The following CENPI variants were observed in gnomAD, a reference collection of about 807,000 sequenced individuals.
CENPI encodes the protein FSH primary response 1.
Under a neutral mutation model 60.4 loss-of-function variants are expected in CENPI, and 4 were observed. The ratio of observed to expected loss-of-function variants is 0.07; its 90% CI spans 0.03 to 0.15. CENPI has a LOEUF of 0.15. CENPI is among the 10% of genes least tolerant of loss of function. The pLI is 1.00. For missense variants in CENPI, 444 were observed against 534.5 expected (o/e 0.83, Z 1.67); for synonymous variants, 157 against 189.4 (o/e 0.83, Z 1.40).
In CENPI at chrX:101,098,310, G is replaced by C. The variant is rs1037031464; in HGVS notation, c.-110+62G>C. 9 of 112,225 alleles carry C rather than the reference G, an allele frequency of 8.0e-5. No homozygotes were observed. In the Admixed American group the frequency reaches 8.5e-4, roughly 11 times the overall value. The allele number at this position is 112,225 out of a possible 1,213,427, so 9.2% of individuals were successfully genotyped here. ...GCGAAGAGAATTTTTTTACTTTTGA[G>C]GGTGGGACTATCCTGCAAGGTGTGA... On this transcript the variant is annotated intron_variant, in intron 1 of 21. Transcript: ENST00000682095.
rs751825949 is a variant in CENPI, at chrX:101,101,217, T to C, written c.147T>C (p.Asn49=). ...SKNISKHGQN[N]PVGDYEHADD... The stretch of plus-strand genomic sequence containing the variant: ...ACATCTCAAAACATGGACAAAACAA[T>C]CCAGTGGGAGATTATGAACATGCTG... Residue 49 remains asparagine (N), a synonymous_variant, in exon 3 of 22, where the codon AAT becomes AAC. Transcript: ENST00000682095. 1 of 1,210,030 alleles carries C rather than the reference T, an allele frequency of 8.3e-7. No individual in the cohort carries two copies.
chrX:101,128,354 C>T (rs1183567387), intron 11 of CENPI, among the ~76,000 whole-genome samples: 1 of 109,249 alleles, frequency 9.2e-6, no homozygotes, highest in Non-Finnish European at 1.9e-5. Flanking sequence ...AAAAATTAAC[C>T]GGGCTTGGTG....
intron 20 of CENPI, among the ~76,000 whole-genome samples, chrX:101,152,481 A>G (rs1212347221): frequency 9.1e-6 from 1 of 110,276 alleles, no homozygotes; most frequent in Non-Finnish European, 1.9e-5. Context: ...CAGTGGTGCC[A>G]TCCCGGCTTA....
At chrX:101,108,923 A>G (rs2089518541) in intron 4 of CENPI, among the ~76,000 whole-genome samples, 1 of 111,252 alleles carries the variant, frequency 9.0e-6, no homozygotes, top group South Asian at 3.7e-4. Context: ...TTAGGATTAT[A>G]GGCATGAGCC....
intron 20 of CENPI, among the ~76,000 whole-genome samples, chrX:101,153,565 G>T (rs776311795): frequency 9.0e-6 from 1 of 111,504 alleles, no homozygotes; most frequent in East Asian, 2.8e-4. Context: ...GGGGTTACAG[G>T]TGTGAGCCAC....
At chrX:101,142,021 C>A (rs2089919369) in intron 16 of CENPI, among the ~76,000 whole-genome samples, 1 of 111,998 alleles carries the variant, frequency 8.9e-6, no homozygotes, top group African/African-American at 3.2e-5. Context: ...TGTGAGCCAC[C>A]ACATCCAGTC....
intron 15 of CENPI, among the ~76,000 whole-genome samples, chrX:101,133,055 A>G (rs1043627636): frequency 3.6e-5 from 4 of 111,033 alleles, no homozygotes; most frequent in African/African-American, 1.3e-4. Context: ...ATTCTAGAAG[A>G]GGGGCAATTA....
chrX:101,120,909 T>C (rs1158299256), intron 8 of CENPI, 125 bp downstream of exon 8: 3 of 524,149 alleles, frequency 5.7e-6, no homozygotes, highest in Admixed American at 3.0e-5. Context: ...AGGGTCTCAC[T>C]CTGTTGCCCA....
chrX:101,116,712 C>G (rs1240597978), intron 6 of CENPI, among the ~76,000 whole-genome samples: 1 of 111,554 alleles, frequency 9.0e-6, no homozygotes, highest in Non-Finnish European at 1.9e-5. Flanking sequence ...AAAAAAATTA[C>G]TGTATCATAT....
At chrX:101,154,955 G>C (rs2090040081) in intron 20 of CENPI, among the ~76,000 whole-genome samples, 1 of 111,165 alleles carries the variant, frequency 9.0e-6, no homozygotes, top group Admixed American at 9.7e-5. Context: ...AGTTTTTATA[G>C]CTTTTTGGTA....
chrX:101,102,871 T>C (rs1432292822), intron 4 of CENPI, among the ~76,000 whole-genome samples: 2 of 102,750 alleles, frequency 1.9e-5, no homozygotes, highest in Non-Finnish European at 2.0e-5. Flanking sequence ...TTTTTTTTTT[T>C]AGTAGGGACG....
intron 6 of CENPI, among the ~76,000 whole-genome samples, chrX:101,117,614 A>G (rs903800301): frequency 9.8e-5 from 11 of 112,212 alleles, no homozygotes; most frequent in Middle Eastern, 4.6e-3. Context: ...TGTTCAACAC[A>G]GTGGAGTTTT....
Position 101,164,618 on chromosome X carries a change from C to G in CENPI, c.*1651C>G, listed in dbSNP as rs2090136246. Among the ~76,000 whole-genome samples, 1 of 111,958 alleles carries G rather than the reference C, an allele frequency of 8.9e-6. No individual in the cohort carries two copies. The highest frequency in any genetic ancestry group is 3.2e-5 in the African/African-American group (1 of 30,813). ...AAGTGTTGGGATTAGAGGTGTGAGC[C>G]ATTGCACCCAGCCCAAAGTACCTGT... On this transcript the variant is annotated 3_prime_UTR_variant, in exon 22 of 22. Transcript: ENST00000682095.
At position 101,148,216 on chromosome X, in the gene CENPI, A is replaced by T. The variant is rs1275186089; in HGVS notation, c.2094+55A>T. The T allele has an allele frequency of 8.4e-6, 8 of 954,940 alleles. No individual in the cohort carries two copies. In the African/African-American group the frequency reaches 1.6e-4, roughly 19 times the overall value. 78.7% of individuals were successfully genotyped at this position (954,940 alleles called of 1,213,427 possible). A position where few individuals can be genotyped will look rare whatever the true frequency, so the allele number is the denominator to read the frequency against. On this transcript the variant is annotated intron_variant, in intron 20 of 21. Transcript: ENST00000682095. Reference sequence around the variant, plus strand: ...TGTATCTTAATACTGTGGTGGCAGAAATAGGAAGTGCCATAAATTTAATGT... The same window carrying T: ...TGTATCTTAATACTGTGGTGGCAGATATAGGAAGTGCCATAAATTTAATGT...
chrX:101,121,585 G>A (rs780164141), intron 8 of CENPI, among the ~76,000 whole-genome samples: 3 of 110,056 alleles, frequency 2.7e-5, no homozygotes, highest in East Asian at 5.8e-4. Flanking sequence ...CACTGCACCC[G>A]GCCTGCTTGA....
intron 15 of CENPI, among the ~76,000 whole-genome samples, chrX:101,139,081 G>A (rs1190806689): frequency 9.1e-5 from 8 of 88,181 alleles, no homozygotes; most frequent in Non-Finnish European, 1.5e-4. Context: ...GAGCCACCGC[G>A]CCCGACCTTT....
chrX:101,138,258 G>A (rs1036440720), intron 15 of CENPI, among the ~76,000 whole-genome samples: 2 of 108,722 alleles, frequency 1.8e-5, no homozygotes, highest in Non-Finnish European at 3.8e-5. Context: ...GAAGTTCTGG[G>A]ATTACAAGTG....
chrX:101,161,467 C>T (rs1569504775), intron 20 of CENPI, 61 bp from the exon 21 acceptor site: 1 of 1,019,473 alleles, frequency 9.8e-7, no homozygotes. Context: ...TTTCTATCAC[C>T]ATATCTCCCC....
chrX:101,146,116 A>G, intron 17 of CENPI, 37 bp from the exon 18 acceptor site: 3 of 1,157,841 alleles, frequency 2.6e-6, no homozygotes, highest in Non-Finnish European at 3.5e-6. Flanking sequence ...GTTCTGGGGA[A>G]TACTCTGTAT....
Sources: gnomAD v4.1 joint callset for allele counts (sites outside exome capture counted in the v4.1 genomes callset) on GRCh38, gnomAD v4.1.1 for gene constraint, MANE v1.5 for transcripts, NCBI Gene and HGNC (gene_info 2026-07-23, HGNC 2026-07-21) for gene names.